The following RPA1 variants were observed in gnomAD, a reference collection of about 807,000 sequenced individuals.
RPA1 encodes replication protein A 70 kDa DNA-binding subunit.
In RPA1, 49 loss-of-function variants were observed where a neutral mutation model predicts 83.0. That is an observed-to-expected ratio of 0.59 (90% confidence interval 0.47 to 0.75). The LOEUF (loss-of-function observed/expected upper bound fraction) is 0.75, where lower values mean the gene tolerates loss of function less well. RPA1 is among the 30% of genes least tolerant of loss of function. RPA1 has a pLI of 0.00. For missense variants in RPA1, 693 were observed against 776.1 expected (o/e 0.89, Z 1.27); for synonymous variants, 279 against 281.8 (o/e 0.99, Z 0.10).
intron 9 of RPA1, 66 bp from the exon 10 acceptor site, chr17:1,879,149 G>A: frequency 6.2e-7 from 1 of 1,608,798 alleles, no homozygotes; most frequent in Non-Finnish European, 8.5e-7. Flanking sequence ...GTGTGTGGTG[G>A]CAGACTAGGG....
At chr17:1,847,193 G>A (rs893071475) in intron 4 of RPA1, among the ~76,000 whole-genome samples, 1 of 152,120 alleles carries the variant, frequency 6.6e-6, no homozygotes, top group African/African-American at 2.4e-5. Context: ...CATGCTTAAT[G>A]TGGACAGTCC....
chr17:1,888,601 C>A, intron 13 of RPA1, 74 bp from the exon 14 acceptor site: 1 of 1,485,650 alleles, frequency 6.7e-7, no homozygotes, highest in Non-Finnish European at 9.1e-7. Flanking sequence ...TAAGGGCAGG[C>A]TTTGAGCTGC....
At chr17:1,837,439 G>C (rs1911868216) in intron 1 of RPA1, among the ~76,000 whole-genome samples, 1 of 152,142 alleles carries the variant, frequency 6.6e-6, no homozygotes, top group African/African-American at 2.4e-5. Flanking sequence ...GACCATTTAA[G>C]TACAACTCTT....
At chr17:1,833,556 A>G (rs1911699239) in intron 1 of RPA1, among the ~76,000 whole-genome samples, 1 of 152,220 alleles carries the variant, frequency 6.6e-6, no homozygotes, top group Non-Finnish European at 1.5e-5. Context: ...CTTTAAGACA[A>G]ATTAAGAATG....
chr17:1,830,105 A>G lies in RPA1; in HGVS notation c.12A>G (p.Gln4=), dbSNP rs5030749. Residue 4 remains glutamine (Q), a synonymous_variant, in exon 1 of 17, where the codon CAA becomes CAG. Coordinates refer to ENST00000254719, the MANE Select transcript of RPA1 (RefSeq NM_002945.5). The part of the protein sequence containing the change: MVG[Q]LSEGAIAAIM... ...TTGGCGGTGGAGCCATGGTCGGCCA[A>G]CTGAGCGAGGGGGCCATTGCGGTGA... 0.75 allele frequency: 932,453 copies of G among 1,249,336 alleles called. 354,203 individuals carry two copies. The highest frequency in any genetic ancestry group is 0.79 in the Non-Finnish European group (776,105 of 988,576). The allele number at this position is 1,249,336 out of a possible 1,614,324, so 77.4% of individuals were successfully genotyped here.
intron 13 of RPA1, among the ~76,000 whole-genome samples, chr17:1,888,359 A>G (rs17292308): frequency 0.018 from 2,784 of 152,304 alleles, 77 homozygotes; most frequent in African/African-American, 0.058. Context: ...TCTTTCATAC[A>G]GTGTTCAAGC....
Position 1,889,616 on chromosome 17 carries a change from C to A in RPA1, c.1551+765C>A, listed in dbSNP as rs534694880. ...TCAGCCTTCCAAAGTGCTGGCATTA[C>A]AAGCCTGAGCCACTGCACCCGGCCT... On this transcript the variant is annotated intron_variant, in intron 14 of 16. Coordinates refer to ENST00000254719, the MANE Select transcript of RPA1 (RefSeq NM_002945.5). Among the ~76,000 whole-genome samples the A allele has an allele frequency of 3.3e-5, 5 of 152,266 alleles. No individual in the cohort carries two copies. In the South Asian group the frequency reaches 1.0e-3, roughly 32 times the overall value.
chr17:1,875,103 C>G (rs1161006129), intron 6 of RPA1, among the ~76,000 whole-genome samples: 1 of 152,216 alleles, frequency 6.6e-6, no homozygotes, highest in Non-Finnish European at 1.5e-5. Context: ...TGACCAAAAA[C>G]TGATTCCTGC....
chr17:1,879,511 C>A, intron 10 of RPA1, 49 bp from the exon 11 acceptor site: 1 of 1,613,024 alleles, frequency 6.2e-7, no homozygotes, highest in South Asian at 1.1e-5. Context: ...TTGCTGGCGT[C>A]GGAATGGGAG....
chr17:1,854,056 C>T (rs1912598759), intron 5 of RPA1: 1 of 152,044 alleles, frequency 6.6e-6, no homozygotes, highest in Non-Finnish European at 1.5e-5. Context: ...GGTGAAATTA[C>T]TAATGATTTA....
intron 15 of RPA1, among the ~76,000 whole-genome samples, chr17:1,892,985 G>C (rs1914258046): frequency 6.6e-6 from 1 of 152,168 alleles, no homozygotes. Flanking sequence ...CTCCAAATTG[G>C]TTGGAATACT....
rs1284810433 is a variant in RPA1, at chr17:1,897,978, T to A, written c.*803T>A. 6.6e-6 allele frequency: 1 copy of A among 152,340 alleles called. No homozygotes were observed. The highest frequency in any genetic ancestry group is 2.4e-5 in the African/African-American group (1 of 41,462). 9.4% of individuals were successfully genotyped at this position (152,340 alleles called of 1,614,324 possible). A position where few individuals can be genotyped will look rare whatever the true frequency, so the allele number is the denominator to read the frequency against. ...CATTCCTGCATTCATGTATTTTGTT[T>A]TTTTTGACTAAAGCTATGTTACATG... On this transcript the variant is annotated 3_prime_UTR_variant, in exon 17 of 17. Coordinates refer to ENST00000254719, the MANE Select transcript of RPA1 (RefSeq NM_002945.5).
Position 1,897,351 on chromosome 17 carries a change from C to A in RPA1, c.*176C>A, listed in dbSNP as rs55909390. ...ACCCATCGGTAGGCAAAGGAAAATA[C>A]GCTCAGGTGGTTGTGGTGTAGACTG... On this transcript the variant is annotated 3_prime_UTR_variant, in exon 17 of 17. Transcript: ENST00000254719. 8.6e-6 allele frequency: 5 copies of A among 578,674 alleles called. No homozygotes were observed. The highest frequency in any genetic ancestry group is 1.9e-5 in the African/African-American group (1 of 52,672). The allele number at this position is 578,674 out of a possible 1,614,324, so 35.8% of individuals were successfully genotyped here.
Position 1,879,548 on chromosome 17 carries a change from C to A in RPA1, c.953-12C>A. Reference sequence around the variant, plus strand: ...CTTGACCACCTCCTGCTAACACGTGCATGTGTTTTAGACATCATCGGGATC... The same window carrying A: ...CTTGACCACCTCCTGCTAACACGTGAATGTGTTTTAGACATCATCGGGATC... On this transcript the variant is annotated splice_polypyrimidine_tract_variant and intron_variant, in intron 10 of 16. Transcript: ENST00000254719. The A allele has an allele frequency of 1.2e-6, 2 of 1,614,152 alleles. No homozygotes were observed. The highest frequency in any genetic ancestry group is 1.7e-6 in the Non-Finnish European group (2 of 1,180,028).
chr17:1,848,584 C>G (rs909765444), intron 4 of RPA1, among the ~76,000 whole-genome samples: 2 of 151,628 alleles, frequency 1.3e-5, no homozygotes, highest in Non-Finnish European at 2.9e-5. Context: ...GTACTCCATC[C>G]TGGGTGACAA....
intron 1 of RPA1, among the ~76,000 whole-genome samples, chr17:1,834,080 T>C (rs769923631): frequency 1.1e-4 from 17 of 152,116 alleles, no homozygotes; most frequent in Non-Finnish European, 2.1e-4. Flanking sequence ...CTTGAGAGCC[T>C]GAGGCAGGAT....
intron 5 of RPA1, among the ~76,000 whole-genome samples, chr17:1,865,255 C>T (rs909303515): frequency 1.3e-5 from 2 of 152,188 alleles, no homozygotes; most frequent in African/African-American, 4.8e-5. Flanking sequence ...TTTGTCATTT[C>T]CCAGTGAGAA....
At position 1,863,184 on chromosome 17, in the gene RPA1, A is replaced by ATTTTAT. The variant is rs1555590729; in HGVS notation, c.362-9247_362-9246insTATTTT. On this transcript the variant is annotated intron_variant, in intron 5 of 16. Transcript: ENST00000254719. ...GAGCGTGAACCACCACGCCCAACTA[A>ATTTTAT]TTTATTTTATTTTATTTTATTTTAT... is the stretch of plus-strand genomic sequence containing the variant. Among the ~76,000 whole-genome samples, 41 of 138,880 alleles carry ATTTTAT rather than the reference A, an allele frequency of 3.0e-4. No individual in the cohort carries two copies. The East Asian group carries it at 7.6e-3, about 26-fold the overall frequency. 91.1% of individuals were successfully genotyped at this position (138,880 alleles called of 152,430 possible).
intron 5 of RPA1, among the ~76,000 whole-genome samples, chr17:1,870,267 G>A (rs749269219): frequency 4.6e-5 from 7 of 152,128 alleles, no homozygotes; most frequent in Admixed American, 1.3e-4. Flanking sequence ...TAATTCATAC[G>A]TATTACAGGG....
Sources: allele counts gnomAD v4.1 joint callset (sites outside exome capture counted in the v4.1 genomes callset), GRCh38; gene constraint gnomAD v4.1.1; transcripts MANE v1.5; gene names NCBI Gene and HGNC (gene_info 2026-07-23, HGNC 2026-07-21).